The following GLB1 variants were observed in gnomAD, a reference collection of about 807,000 sequenced individuals.
The protein encoded by GLB1 is beta-galactosidase.
In GLB1, 56 loss-of-function variants were observed where a neutral mutation model predicts 74.0. That is an observed-to-expected ratio of 0.76 (90% CI 0.61 to 0.94). The LOEUF is 0.94. Ranked by LOEUF, GLB1 falls within the 40% of genes least tolerant of loss-of-function variation. The probability of loss-of-function intolerance (pLI) is 0.00; values close to 1 mark genes in which losing one functional copy is unlikely to be tolerated. For synonymous variants in GLB1, 323 were observed against 323.6 expected (o/e 1.00, Z 0.02); for missense variants, 787 against 845.5 (o/e 0.93, Z 0.86).
intron 15 of GLB1, among the ~76,000 whole-genome samples, chr3:33,002,813 A>G (rs1696633023): frequency 6.6e-6 from 1 of 152,198 alleles, no homozygotes; most frequent in African/African-American, 2.4e-5. Flanking sequence ...TCACACTCTG[A>G]AAGAAAACAT....
At chr3:33,080,546 C>T (rs1242693381) in intron 1 of GLB1, among the ~76,000 whole-genome samples, 1 of 152,196 alleles carries the variant, frequency 6.6e-6, no homozygotes, top group Non-Finnish European at 1.5e-5. Flanking sequence ...AGTCCAGGAG[C>T]ACCAGGCAGT....
In GLB1 at chr3:33,093,644, G is replaced by A. The variant is rs185208143; in HGVS notation, c.75+3367C>T. On this transcript the variant is annotated intron_variant, in intron 1 of 15. Transcript: ENST00000307363. The surrounding 1 kb of genome is among the most constrained non-coding windows in gnomAD (Gnocchi z 6.0). ...CAGTTTTCACAGCCGGGGGCTGCGC[G>A]GCATTCAGAATCCCGGCCACGCTGA... The A allele has an allele frequency of 4.2e-5, 67 of 1,614,146 alleles. No homozygotes were observed. Among genetic ancestry groups the A allele is most frequent in the Middle Eastern group, 3.3e-4 (2 of 6,062 alleles).
In GLB1 at chr3:33,039,578, T is replaced by C. The variant is rs556401013; in HGVS notation, c.1068+6542A>G. ...TCAGAATAAAATCTAAACTAAAATA[T>C]GTTCGGGGGAAAGGATAGAAACAAT... On this transcript the variant is annotated intron_variant, in intron 10 of 15. Transcript: ENST00000307363. Among the ~76,000 whole-genome samples, 5 of 152,228 alleles carry C rather than the reference T, an allele frequency of 3.3e-5. No individual in the cohort carries two copies. The East Asian group carries it at 9.6e-4, about 29-fold the overall frequency.
intron 15 of GLB1, among the ~76,000 whole-genome samples, chr3:33,004,177 AC>A (rs1359380198): frequency 6.6e-6 from 1 of 151,982 alleles, no homozygotes; most frequent in Non-Finnish European, 1.5e-5. Flanking sequence ...CTTTCTTTGA[AC>A]CCTGCTCAGT....
chr3:33,071,620 T>C (rs1699892080), intron 2 of GLB1, among the ~76,000 whole-genome samples: 1 of 152,296 alleles, frequency 6.6e-6, no homozygotes, highest in South Asian at 2.1e-4. Flanking sequence ...CACCTTGGCA[T>C]GCTAAGTACT....
intron 10 of GLB1, among the ~76,000 whole-genome samples, chr3:33,035,224 G>T (rs1005761076): frequency 2.6e-5 from 4 of 152,082 alleles, no homozygotes; most frequent in Non-Finnish European, 5.9e-5. Context: ...TTGAGGTCAG[G>T]AGTTCGAGAG....
the GLB1 span, among the ~76,000 whole-genome samples, chr3:32,962,726 T>C: frequency 4.2e-3 from 637 of 151,394 alleles, 3 homozygotes; most frequent in African/African-American, 0.014. Context: ...AAATAAATAA[T>C]AATTAAAATA....
At chr3:32,979,851 C>CAAAAAA in the GLB1 span, among the ~76,000 whole-genome samples, 3 of 25,192 alleles carry the variant, frequency 1.2e-4, no homozygotes, top group Admixed American at 4.3e-4. Flanking sequence ...GACCCTGTCT[C>CAAAAAA]AAAAAAAAAA....
intron 15 of GLB1, among the ~76,000 whole-genome samples, chr3:33,010,548 T>C (rs1479198264): frequency 2.6e-5 from 4 of 152,224 alleles, no homozygotes; most frequent in Non-Finnish European, 4.4e-5. Flanking sequence ...CTTTGTTAGA[T>C]ATATGATTTG....
At chr3:33,008,241 A>G (rs545194891) in intron 15 of GLB1, among the ~76,000 whole-genome samples, 1 of 152,290 alleles carries the variant, frequency 6.6e-6, no homozygotes, top group South Asian at 2.1e-4. Context: ...AGATCCAGGG[A>G]GGGCTTTCTT....
At chr3:33,002,324 T>TCTCCCTCCCTTC (rs1553605129) in intron 15 of GLB1, among the ~76,000 whole-genome samples, 1 of 83,110 alleles carries the variant, frequency 1.2e-5, no homozygotes, top group Non-Finnish European at 2.4e-5. Context: ...AAAACAAAAG[T>TCTCCCTCCCTTC]CTCCCTCCCT....
intron 1 of GLB1, among the ~76,000 whole-genome samples, chr3:33,083,981 C>T (rs928025080): frequency 6.6e-6 from 1 of 152,140 alleles, no homozygotes; most frequent in Non-Finnish European, 1.5e-5. Context: ...ATAAAAGAAG[C>T]TCAGTGACAT....
chr3:33,097,051 A>AG lies in GLB1; in HGVS notation c.34_35insC (p.Leu12SerfsTer22). 1 of 1,612,088 alleles carries AG rather than the reference A, an allele frequency of 6.2e-7. No homozygotes were observed. Among genetic ancestry groups the AG allele is most frequent in the East Asian group, 2.2e-5 (1 of 44,790 alleles). ...AGGGCCCAGAAGCAGCAGAACCAGC[A>AG]ACAGAGGGAGGATGCGAACCAGGAA... On this transcript the variant is annotated frameshift_variant, in exon 1 of 16. Coordinates refer to ENST00000307363, the MANE Select transcript of GLB1 (RefSeq NM_000404.4). LOFTEE classifies it high-confidence loss of function.
chr3:33,064,776 C>CAAAAAAAA (rs36181668), intron 5 of GLB1, among the ~76,000 whole-genome samples: 1,395 of 64,434 alleles, frequency 0.022, 159 homozygotes, highest in East Asian at 0.18. Flanking sequence ...GACTCTCTCT[C>CAAAAAAAA]AAAAAAAAAA....
At chr3:33,088,676 G>A (rs762655107) in intron 1 of GLB1, among the ~76,000 whole-genome samples, 14 of 152,158 alleles carry the variant, frequency 9.2e-5, no homozygotes, top group Non-Finnish European at 1.2e-4. Flanking sequence ...TGTTCATGGA[G>A]TGGAAGGTTC....
intron 2 of GLB1, 115 bp from the exon 3 acceptor site, chr3:33,069,085 G>A (rs1360154379): frequency 1.0e-5 from 16 of 1,556,496 alleles, no homozygotes; most frequent in East Asian, 2.3e-5. Context: ...GGGAGAAGGC[G>A]CTTTGAAAGA....
chr3:32,973,085 A>G, the GLB1 span, among the ~76,000 whole-genome samples: 2 of 152,122 alleles, frequency 1.3e-5, no homozygotes, highest in Non-Finnish European at 1.5e-5. Flanking sequence ...ATCTCCCCTC[A>G]CCCACGAAAT....
At chr3:33,070,052 TGTG>T (rs2125550415) in intron 2 of GLB1, among the ~76,000 whole-genome samples, 1 of 152,088 alleles carries the variant, frequency 6.6e-6, no homozygotes, top group African/African-American at 2.4e-5. Context: ...AGTGAGAACA[TGTG>T]GTATTTGGTT....
chr3:33,030,765 T>A (rs1366499395), intron 10 of GLB1: 1 of 985,318 alleles, frequency 1.0e-6, no homozygotes, highest in Non-Finnish European at 1.2e-6. Context: ...ATTTCTACAG[T>A]GACCCATTTC....
Sources: gnomAD v4.1 joint callset for allele counts (sites outside exome capture counted in the v4.1 genomes callset) on GRCh38, gnomAD v4.1.1 for gene constraint, Gnocchi (gnomAD v3.1) non-coding constraint, MANE v1.5 for transcripts, NCBI Gene and HGNC (gene_info 2026-07-23, HGNC 2026-07-21) for gene names.